The following GTF2I variants were observed in gnomAD, a reference collection of about 807,000 sequenced individuals.
GTF2I encodes the protein general transcription factor II-I.
In GTF2I, 12 loss-of-function variants were observed where a neutral mutation model predicts 67.6. The observed-to-expected ratio is 0.18, with a 90% CI of 0.11 to 0.29. The LOEUF (loss-of-function observed/expected upper bound fraction) is 0.29. GTF2I is among the 10% of genes least tolerant of loss of function. GTF2I has a pLI of 1.00. For synonymous variants in GTF2I, 149 were observed against 197.0 expected (o/e 0.76, Z 2.04); for missense variants, 271 against 580.1 (o/e 0.47, Z 5.47).
At chr7:74,720,907 A>C (rs1220103621) in intron 12 of GTF2I, among the ~76,000 whole-genome samples, 2 of 152,100 alleles carry the variant, frequency 1.3e-5, no homozygotes, top group African/African-American at 4.8e-5. Context: ...TTTATAGTAT[A>C]AGACTTTTAA....
intron 3 of GTF2I, among the ~76,000 whole-genome samples, chr7:74,693,349 C>T (rs1263746986): frequency 7.1e-6 from 1 of 140,886 alleles, no homozygotes; most frequent in Non-Finnish European, 1.5e-5. Context: ...GATCTCGGCT[C>T]ACTGCATCCC....
At chr7:74,666,298 T>C (rs1393151500) in intron 1 of GTF2I, among the ~76,000 whole-genome samples, 1 of 152,174 alleles carries the variant, frequency 6.6e-6, no homozygotes, top group African/African-American at 2.4e-5. Context: ...CAGACCGTAA[T>C]TGGTTTCAAG....
chr7:74,689,864 C>T (rs587637842), intron 2 of GTF2I, among the ~76,000 whole-genome samples: 1 of 152,134 alleles, frequency 6.6e-6, no homozygotes, highest in African/African-American at 2.4e-5. Flanking sequence ...TGCAGGTGTG[C>T]GCCACCACGC....
At chr7:74,678,510 ATAG>A (rs1450022159) in intron 1 of GTF2I, among the ~76,000 whole-genome samples, 1 of 151,044 alleles carries the variant, frequency 6.6e-6, no homozygotes, top group African/African-American at 2.4e-5. Context: ...ACAAGTAAAA[ATAG>A]TAGCCTGTAG....
intron 1 of GTF2I, among the ~76,000 whole-genome samples, chr7:74,671,201 C>T (rs189684226): frequency 6.7e-6 from 1 of 149,676 alleles, no homozygotes; most frequent in East Asian, 2.0e-4. Context: ...ATTCTCTTGC[C>T]TCAGCCTCCC....
chr7:74,721,019 CTTTTCATTTATT>C (rs1433597187), intron 12 of GTF2I, among the ~76,000 whole-genome samples: 6 of 151,812 alleles, frequency 4.0e-5, no homozygotes, highest in Admixed American at 3.9e-4. Flanking sequence ...AATCTCTTTT[CTTTTCATTTATT>C]TGTTTATTTA....
In GTF2I at chr7:74,673,680, CTT is replaced by C. The variant is rs34307938; in HGVS notation, c.-5-15425_-5-15424del. ...AGGGATGAGCCACCACGCCCGGCCT[CTT>C]TTTTTTTTTTTTTTTTTTGAGACCA... On this transcript the variant is annotated intron_variant, in intron 1 of 34. Coordinates refer to ENST00000573035, the MANE Select transcript of GTF2I (RefSeq NM_032999.4). Among the ~76,000 whole-genome samples, 50 of 119,764 alleles carry C rather than the reference CTT, an allele frequency of 4.2e-4. 1 individual carries two copies. The highest frequency in any genetic ancestry group is 6.9e-4 in the Admixed American group (8 of 11,592). The allele number at this position is 119,764 out of a possible 152,430, so 78.6% of individuals were successfully genotyped here. A position where few individuals can be genotyped will look rare whatever the true frequency, so the allele number is the denominator to read the frequency against.
At chr7:74,686,097 G>T (rs1244934339) in intron 1 of GTF2I, among the ~76,000 whole-genome samples, 1 of 152,180 alleles carries the variant, frequency 6.6e-6, no homozygotes, top group African/African-American at 2.4e-5. Flanking sequence ...ATCAGAGGCT[G>T]AAGTGAAGTT....
chr7:74,684,670 A>G (rs1787541350), intron 1 of GTF2I: 1 of 152,346 alleles, frequency 6.6e-6, no homozygotes, highest in African/African-American at 2.4e-5. Flanking sequence ...TCCAGAGAGC[A>G]GGAAGCACAG....
chr7:74,660,769 G>T (rs1021569979), intron 1 of GTF2I, among the ~76,000 whole-genome samples: 4 of 151,978 alleles, frequency 2.6e-5, no homozygotes, highest in South Asian at 2.1e-4. Context: ...TTACAGGAGC[G>T]CTCCACCACG....
intron 7 of GTF2I, 82 bp from the exon 8 acceptor site, chr7:74,706,308 C>A: frequency 8.4e-7 from 1 of 1,192,386 alleles, no homozygotes. Flanking sequence ...GATCTTAACA[C>A]TTTGAGACCC....
chr7:74,679,958 A>G (rs1224348451), intron 1 of GTF2I, among the ~76,000 whole-genome samples: 1 of 150,746 alleles, frequency 6.6e-6, no homozygotes, highest in Non-Finnish European at 1.5e-5. Flanking sequence ...GGACACCTGT[A>G]ATCCCAGCTA....
intron 1 of GTF2I, among the ~76,000 whole-genome samples, chr7:74,662,793 C>T (rs1188074852): frequency 6.6e-6 from 1 of 151,960 alleles, no homozygotes; most frequent in South Asian, 2.1e-4. Flanking sequence ...AAGTGTTGGG[C>T]TTACAGGCGC....
At position 74,662,204 on chromosome 7, in the gene GTF2I, CTTTTTT is replaced by C. The variant is rs59914241; in HGVS notation, c.-6+4158_-6+4163del. Among the ~76,000 whole-genome samples, 160 of 82,592 alleles carry C rather than the reference CTTTTTT, an allele frequency of 1.9e-3. 1 individual carries two copies. The highest frequency in any genetic ancestry group is 5.0e-3 in the African/African-American group (90 of 18,180). The allele number at this position is 82,592 out of a possible 152,430, so 54.2% of individuals were successfully genotyped here. ...AGAAAGATTTTTAGGTTTTTTCTTT[CTTTTTT>C]TTTTTTTTTTTTTTTTTTTTTGATG... On this transcript the variant is annotated intron_variant, in intron 1 of 34. Coordinates refer to ENST00000573035, the MANE Select transcript of GTF2I (RefSeq NM_032999.4).
chr7:74,704,201 G>A (rs184760899), intron 6 of GTF2I, among the ~76,000 whole-genome samples: 1 of 151,742 alleles, frequency 6.6e-6, no homozygotes, highest in Admixed American at 6.6e-5. Flanking sequence ...CTTTTAAGAT[G>A]GAGAAATATT....
intron 9 of GTF2I, among the ~76,000 whole-genome samples, chr7:74,714,226 GT>G (rs1791975893): frequency 6.6e-6 from 1 of 152,114 alleles, no homozygotes; most frequent in Admixed American, 6.6e-5. Context: ...AAATATAGCA[GT>G]TTGTGAAGTT....
intron 1 of GTF2I, among the ~76,000 whole-genome samples, chr7:74,665,992 A>C (rs1208701004): frequency 6.6e-6 from 1 of 152,146 alleles, no homozygotes; most frequent in African/African-American, 2.4e-5. Flanking sequence ...GGCGTGCGCC[A>C]CCATGCCCAG....
chr7:74,701,509 C>T (rs1554399893), intron 6 of GTF2I, among the ~76,000 whole-genome samples: 2 of 151,956 alleles, frequency 1.3e-5, no homozygotes, highest in African/African-American at 2.4e-5. Flanking sequence ...CTTGCTCTGT[C>T]GCCAAGGCTG....
intron 7 of GTF2I, 75 bp from the exon 8 acceptor site, chr7:74,706,315 A>G (rs1790676808): frequency 8.1e-7 from 1 of 1,241,958 alleles, no homozygotes; most frequent in African/African-American, 1.5e-5. Context: ...ACACTTTGAG[A>G]CCCAGAGACT....
Sources: gnomAD v4.1 joint callset for allele counts (sites outside exome capture counted in the v4.1 genomes callset) on GRCh38, gnomAD v4.1.1 for gene constraint, MANE v1.5 for transcripts, NCBI Gene and HGNC (gene_info 2026-07-23, HGNC 2026-07-21) for gene names.